GCA: variants seen among roughly 807,000 people sequenced by gnomAD.
The protein encoded by GCA is grancalcin, also known as grancalcin, EF-hand calcium-binding protein.
Under a neutral mutation model 32.6 loss-of-function variants are expected in GCA, and 30 were observed. That is an observed-to-expected ratio of 0.92 (90% CI 0.69 to 1.25). The LOEUF (loss-of-function observed/expected upper bound fraction) is 1.25. GCA is among the 50% of genes most tolerant of loss of function. The probability of loss-of-function intolerance (pLI) is 0.00; values close to 1 mark genes in which losing one functional copy is unlikely to be tolerated. For missense variants in GCA, 291 were observed against 266.8 expected (o/e 1.09, Z -0.63); for synonymous variants, 102 against 84.6 (o/e 1.21, Z -1.13).
In GCA at chr2:162,359,136, G is replaced by A; in HGVS notation, c.547G>A (p.Val183Met). 6.2e-7 allele frequency: 1 copy of A among 1,600,970 alleles called. No homozygotes were observed. The highest frequency in any genetic ancestry group is 2.2e-5 in the East Asian group (1 of 44,612). Reference protein sequence around the residue: ...IFFDDYVACCVKLRALTDFFR... With the variant: ...IFFDDYVACCMKLRALTDFFR... ...CTTTGATGATTATGTTGCTTGCTGT[G>A]TGAAGCTTCGAGCATTGACAGGTAT... The change falls in exon 6 of 8, where the codon GTG (valine) becomes ATG (methionine). Residue 183 changes from valine to methionine, a missense_variant. Transcript: ENST00000437150.
In GCA at chr2:162,356,795, A is replaced by G. The variant is rs376239356; in HGVS notation, c.344A>G (p.Lys115Arg). 6.8e-6 allele frequency: 11 copies of G among 1,609,088 alleles called. No individual in the cohort carries two copies. In the African/African-American group the frequency reaches 9.4e-5, roughly 14 times the overall value. Residue 115 changes from lysine (K) to arginine (R), a missense_variant, in exon 5 of 8, where the codon AAA (lysine) becomes AGA (arginine). Physicochemically the swap from Lys to Arg is conservative, Grantham distance 26. Coordinates refer to ENST00000437150, the MANE Select transcript of GCA (RefSeq NM_012198.5). ...HTGKMGFNAF[K>R]ELWAALNAWK... is the part of the protein sequence containing the mutation. ...GGAAAAATGGGATTTAATGCATTCA[A>G]AGAGCTATGGGCAGCTCTTAATGCC...
upstream of GCA, among the ~76,000 whole-genome samples, chr2:162,343,152 T>A (rs1416449743): frequency 6.6e-6 from 1 of 152,232 alleles, no homozygotes; most frequent in East Asian, 1.9e-4. Flanking sequence ...TTTGATAGCC[T>A]TATTTTTAAG....
rs1685536750 is a variant in GCA at position 162,360,781 on chromosome 2, G to T, written c.*538G>T. ...CTTAAAGATCTTTGTCTGTGAAGAA[G>T]AAAATTATCTCCCTAGTTCAATCTG... On this transcript the variant is annotated 3_prime_UTR_variant, in exon 8 of 8. Coordinates refer to ENST00000437150, the MANE Select transcript of GCA (RefSeq NM_012198.5). 7.3e-7 allele frequency: 1 copy of T among 1,366,250 alleles called. No homozygotes were observed. The highest frequency in any genetic ancestry group is 9.5e-7 in the Non-Finnish European group (1 of 1,052,816). The allele number at this position is 1,366,250 out of a possible 1,614,324, so 84.6% of individuals were successfully genotyped here.
chr2:162,372,646 C>T (rs533250569), downstream of GCA, among the ~76,000 whole-genome samples: 7 of 152,194 alleles, frequency 4.6e-5, no homozygotes, highest in Admixed American at 6.6e-5. Context: ...ATTACCTTCT[C>T]TTATTAGTGT....
chr2:162,375,240 G>A (rs1031536398), downstream of GCA, among the ~76,000 whole-genome samples: 1 of 152,184 alleles, frequency 6.6e-6, no homozygotes, highest in Non-Finnish European at 1.5e-5. Flanking sequence ...TACATTGAAT[G>A]TAAAAGGATT....
At chr2:162,328,830 C>T (rs2105268108) in intron 1 of GCA, among the ~76,000 whole-genome samples, 1 of 152,210 alleles carries the variant, frequency 6.6e-6, no homozygotes, top group South Asian at 2.1e-4. Context: ...AGAATGAGTG[C>T]AAGGTTTTAT....
At chr2:162,330,790 T>C (rs1684050851) in intron 1 of GCA, among the ~76,000 whole-genome samples, 1 of 152,216 alleles carries the variant, frequency 6.6e-6, no homozygotes, top group Non-Finnish European at 1.5e-5. Context: ...AATTCTCATT[T>C]TTGGTGGCAG....
At chr2:162,345,717 GC>G (rs1381383352) in intron 1 of GCA, among the ~76,000 whole-genome samples, 1 of 152,178 alleles carries the variant, frequency 6.6e-6, no homozygotes, top group African/African-American at 2.4e-5. Context: ...AATAGCTGAA[GC>G]AATATATAGA....
intron 1 of GCA, among the ~76,000 whole-genome samples, chr2:162,345,881 A>T (rs1684677967): frequency 6.6e-6 from 1 of 152,174 alleles, no homozygotes; most frequent in Non-Finnish European, 1.5e-5. Context: ...CCCATGCCTT[A>T]TTAATGTTTC....
rs377214846 is a variant in GCA at position 162,362,800 on chromosome 2, A to G, written c.*2557A>G. 1.2e-4 allele frequency among the ~76,000 whole-genome samples: 18 copies of G among 151,534 alleles called. No individual in the cohort carries two copies. The highest frequency in any genetic ancestry group is 1.2e-3 in the East Asian group (6 of 5,154). On this transcript the variant is annotated 3_prime_UTR_variant, in exon 8 of 8. Transcript: ENST00000437150. ...TGGCAGTTTACACATTTTAAATTAC[A>G]TCAAGGGTAAATCAATAGTATGGAA...
intron 1 of GCA, 51 bp from the exon 2 acceptor site, chr2:162,347,527 G>T (rs747485392): frequency 3.6e-6 from 4 of 1,119,800 alleles, no homozygotes; most frequent in Non-Finnish European, 3.8e-6. Flanking sequence ...AACTTTCATA[G>T]ATAATAGGTA....
rs112083885 is a variant in GCA at position 162,357,039 on chromosome 2, A to T, written c.454+134A>T. The T allele has an allele frequency of 1.3e-3, 739 of 583,010 alleles. 5 individuals are homozygous for T. Among genetic ancestry groups the T allele is most frequent in the African/African-American group, 0.012 (667 of 53,888 alleles). The allele number at this position is 583,010 out of a possible 1,614,324, so 36.1% of individuals were successfully genotyped here. On this transcript the variant is annotated intron_variant, in intron 5 of 7. Coordinates refer to ENST00000437150, the MANE Select transcript of GCA (RefSeq NM_012198.5). ...CAGCAAGTTCCTTTGTTTGTTTTCA[A>T]GGTTGTAGGTAAATTCTGACCAAAG...
intron 4 of GCA, chr2:162,371,289 T>C (rs1424449740): frequency 7.9e-7 from 1 of 1,265,944 alleles, no homozygotes; most frequent in African/African-American, 1.5e-5. Flanking sequence ...ACTCAAACTT[T>C]GTATTTTTTC....
chr2:162,319,327 TG>T, intron 1 of GCA: 1 of 437,908 alleles, frequency 2.3e-6, no homozygotes, highest in African/African-American at 2.0e-5. Flanking sequence ...GTAACAGATG[TG>T]GATGGACTTG....
At chr2:162,347,323 T>A (rs1481741086) in intron 1 of GCA, among the ~76,000 whole-genome samples, 1 of 152,214 alleles carries the variant, frequency 6.6e-6, no homozygotes, top group East Asian at 1.9e-4. Context: ...TCCTCTTAGA[T>A]TAAGTTCTTA....
At chr2:162,358,955 GA>G in intron 5 of GCA, 88 bp from the exon 6 acceptor site, 1 of 609,004 alleles carries the variant, frequency 1.6e-6, no homozygotes, top group Non-Finnish European at 2.9e-6. Context: ...AATGAATTTT[GA>G]AAGTTATTTT....
At position 162,361,759 on chromosome 2, in the gene GCA, G is replaced by A; in HGVS notation, c.*1516G>A. On this transcript the variant is annotated 3_prime_UTR_variant, in exon 8 of 8. Transcript: ENST00000437150. The stretch of plus-strand genomic sequence containing the variant: ...TGAACATATATTTGATAATGTGAGA[G>A]GACATTAACTGAGCTGGGAAATTAA... 1.0e-6 allele frequency: 1 copy of A among 981,796 alleles called. No homozygotes were observed. The highest frequency in any genetic ancestry group is 1.2e-6 in the Non-Finnish European group (1 of 826,856). 60.8% of individuals were successfully genotyped at this position (981,796 alleles called of 1,614,324 possible).
intron 6 of GCA, 69 bp from the exon 7 acceptor site, chr2:162,359,425 C>T (rs1685459709): frequency 2.9e-6 from 2 of 688,524 alleles, no homozygotes; most frequent in Non-Finnish European, 5.0e-6. Flanking sequence ...TTTTGTGTAC[C>T]TGGGTGCACT....
intron 1 of GCA, among the ~76,000 whole-genome samples, chr2:162,323,525 G>A (rs910877034): frequency 2.6e-5 from 4 of 151,698 alleles, no homozygotes; most frequent in Non-Finnish European, 5.9e-5. Flanking sequence ...TTTCTTCTAG[G>A]GTTTTTATGG....
Sources: gnomAD v4.1 joint callset for allele counts (sites outside exome capture counted in the v4.1 genomes callset) on GRCh38, gnomAD v4.1.1 for gene constraint, MANE v1.5 for transcripts, NCBI Gene and HGNC (gene_info 2026-07-23, HGNC 2026-07-21) for gene names.